Variants in ROBO2 observed in about 807,000 individuals in gnomAD.
The protein encoded by ROBO2 is roundabout homolog 2.
A neutral mutation model predicts 160.8 loss-of-function variants in ROBO2; 53 were observed. That is an observed-to-expected ratio of 0.33 (90% confidence interval 0.26 to 0.41). ROBO2 has a LOEUF of 0.41. ROBO2 is among the 10% of genes least tolerant of loss of function. ROBO2 has a pLI of 1.00. For missense variants in ROBO2, 1,577 were observed against 1,722.4 expected, an observed-to-expected ratio of 0.92 and a Z score of 1.49; for synonymous variants, 664 against 611.7, an observed-to-expected ratio of 1.09 and a Z score of -1.26.
At chr3:75,973,181 G>C (rs2065043338) in intron 2 of ROBO2, among the ~76,000 whole-genome samples, 1 of 151,676 alleles carries the variant, frequency 6.6e-6, no homozygotes, top group Admixed American at 6.6e-5. Flanking sequence ...AGCATAGCCA[G>C]GTAGGTAGGT....
At chr3:77,598,617 T>C (rs2094364807) in intron 19 of ROBO2, among the ~76,000 whole-genome samples, 1 of 151,172 alleles carries the variant, frequency 6.6e-6, no homozygotes, top group Non-Finnish European at 1.5e-5. Context: ...GTTATATGAC[T>C]CCTCAGCTTC....
chr3:76,773,598 A>G (rs1343930101), intron 2 of ROBO2, among the ~76,000 whole-genome samples: 2 of 150,712 alleles, frequency 1.3e-5, no homozygotes, highest in Non-Finnish European at 3.0e-5. Flanking sequence ...ATTTTGCAGC[A>G]TAGTAAAACA....
intron 6 of ROBO2, among the ~76,000 whole-genome samples, chr3:77,546,092 A>G (rs1051158693): frequency 5.9e-5 from 9 of 152,180 alleles, no homozygotes; most frequent in African/African-American, 2.2e-4. Flanking sequence ...ATGCAAGTAT[A>G]TGTAGGCCAA....
intron 5 of ROBO2, among the ~76,000 whole-genome samples, chr3:77,513,671 A>G (rs2153618545): frequency 6.6e-6 from 1 of 151,934 alleles, no homozygotes; most frequent in South Asian, 2.1e-4. Context: ...TCAGCTGAAC[A>G]GATGGTAATG....
At chr3:77,509,734 C>T (rs2089128114) in intron 5 of ROBO2, among the ~76,000 whole-genome samples, 1 of 152,000 alleles carries the variant, frequency 6.6e-6, no homozygotes, top group Admixed American at 6.6e-5. Flanking sequence ...GAGACTATAA[C>T]CTTCCCCTTC....
chr3:77,615,603 T>A lies in ROBO2; in HGVS notation c.3294-1910T>A, dbSNP rs867888632. 3.9e-5 allele frequency among the ~76,000 whole-genome samples: 6 copies of A among 152,318 alleles called. No homozygotes were observed. The South Asian group carries it at 8.3e-4, about 21-fold the overall frequency. On this transcript the variant is annotated intron_variant, in intron 21 of 25. Coordinates refer to ENST00000461745, the Ensembl canonical transcript of ROBO2. ...TTGGAATCTTATTGTGTGTACCTTT[T>A]TTAGACCTTTCACTTGGTGATATGC...
intron 2 of ROBO2, among the ~76,000 whole-genome samples, chr3:77,424,858 T>C (rs1321517629): frequency 1.3e-5 from 2 of 152,210 alleles, no homozygotes; most frequent in Non-Finnish European, 1.5e-5. Context: ...GCTCCTTCCA[T>C]GAACCTTTGC....
intron 21 of ROBO2, among the ~76,000 whole-genome samples, chr3:77,615,666 C>A (rs1384725081): frequency 6.6e-6 from 1 of 152,136 alleles, no homozygotes; most frequent in South Asian, 2.1e-4. Flanking sequence ...GGCTTGACAG[C>A]TCATTTCTTT....
At chr3:76,896,553 T>C (rs537107133) in intron 2 of ROBO2, among the ~76,000 whole-genome samples, 1 of 152,292 alleles carries the variant, frequency 6.6e-6, no homozygotes, top group Admixed American at 6.5e-5. Flanking sequence ...ATCATGCACC[T>C]TCACATATTT....
At chr3:77,398,255 G>T (rs2075461692) in intron 2 of ROBO2, among the ~76,000 whole-genome samples, 1 of 152,086 alleles carries the variant, frequency 6.6e-6, no homozygotes, top group Non-Finnish European at 1.5e-5. Flanking sequence ...CATGCGGGAG[G>T]GAGTGAGTTA....
At chr3:76,685,077 C>T (rs546173553) in intron 2 of ROBO2, among the ~76,000 whole-genome samples, 1 of 151,786 alleles carries the variant, frequency 6.6e-6, no homozygotes, top group East Asian at 1.9e-4. Context: ...ATAAAACTTG[C>T]ACAGAACAAT....
intron 5 of ROBO2, among the ~76,000 whole-genome samples, chr3:77,503,393 C>T (rs887420085): frequency 1.3e-5 from 2 of 150,896 alleles, no homozygotes; most frequent in African/African-American, 4.9e-5. Context: ...GGCGTGGTGG[C>T]GGCGCCTGTA....
chr3:76,803,735 A>G (rs1199965493), intron 2 of ROBO2, among the ~76,000 whole-genome samples: 1 of 152,166 alleles, frequency 6.6e-6, no homozygotes, highest in Non-Finnish European at 1.5e-5. Flanking sequence ...TGGTCTTTAT[A>G]CACTCGACTC....
chr3:76,058,806 C>A lies in ROBO2; in HGVS notation c.109+121204C>A, dbSNP rs1269872799. Among the ~76,000 whole-genome samples the A allele has an allele frequency of 1.2e-3, 117 of 94,850 alleles. No homozygotes were observed. In the Middle Eastern group the frequency reaches 0.022, roughly 18 times the overall value. 62.2% of individuals were successfully genotyped at this position (94,850 alleles called of 152,430 possible). On this transcript the variant is annotated intron_variant, in intron 2 of 26. Coordinates refer to the ROBO2 transcript ENST00000487694. ...TAATGCTATCCCTCCCCCCTCCCCC[C>A]ACCCCACAACAGGCCCCAGTGTGTG...
intron 2 of ROBO2, among the ~76,000 whole-genome samples, chr3:76,301,134 A>C (rs1030864772): frequency 1.3e-5 from 2 of 152,114 alleles, no homozygotes; most frequent in African/African-American, 4.8e-5. Flanking sequence ...AAGCAAGAGC[A>C]TCCAGAAATC....
At chr3:77,107,536 T>C (rs1235087299) in intron 2 of ROBO2, among the ~76,000 whole-genome samples, 1 of 152,202 alleles carries the variant, frequency 6.6e-6, no homozygotes, top group African/African-American at 2.4e-5. Flanking sequence ...TTACAAATCA[T>C]GTGGTATAGC....
At chr3:77,293,584 A>C (rs1431661510) in intron 2 of ROBO2, among the ~76,000 whole-genome samples, 3 of 146,768 alleles carry the variant, frequency 2.0e-5, no homozygotes, top group African/African-American at 7.9e-5. Context: ...TAAACGGGTA[A>C]GCTGAGGCTA....
At chr3:77,031,131 C>A (rs1216372311) in intron 2 of ROBO2, among the ~76,000 whole-genome samples, 1 of 152,090 alleles carries the variant, frequency 6.6e-6, no homozygotes, top group Non-Finnish European at 1.5e-5. Context: ...GTTATTTGTT[C>A]CAGCCAGATT....
chr3:76,287,369 C>G (rs1393855225), intron 2 of ROBO2, among the ~76,000 whole-genome samples: 1 of 151,054 alleles, frequency 6.6e-6, no homozygotes, highest in Non-Finnish European at 1.5e-5. Flanking sequence ...AATCTCGGAT[C>G]ACTGCAACCT....
Sources: allele counts gnomAD v4.1 joint callset (sites outside exome capture counted in the v4.1 genomes callset), GRCh38; gene constraint gnomAD v4.1.1; transcripts MANE v1.5; gene names NCBI Gene and HGNC (gene_info 2026-07-23, HGNC 2026-07-21).